YEATS2: variants seen among roughly 807,000 people sequenced by gnomAD.
The protein encoded by YEATS2 is YEATS domain containing 2, also known as YEATS domain-containing protein 2.
YEATS2 carries 77 observed loss-of-function variants against 163.2 expected under a neutral mutation model. That is an observed-to-expected ratio of 0.47 (90% CI 0.39 to 0.57). YEATS2 has a LOEUF of 0.57. Ranked by LOEUF, YEATS2 falls within the 20% of genes least tolerant of loss-of-function variation. YEATS2 has a pLI of 0.00. For synonymous variants in YEATS2, 631 were observed against 645.1 expected, an observed-to-expected ratio of 0.98 and a Z score of 0.33; for missense variants, 1,549 against 1,729.8, an observed-to-expected ratio of 0.90 and a Z score of 1.85.
intron 8 of YEATS2, among the ~76,000 whole-genome samples, chr3:183,738,337 T>C (rs902322757): frequency 4.7e-5 from 7 of 148,128 alleles, no homozygotes; most frequent in African/African-American, 1.7e-4. Context: ...CAAGATAGGC[T>C]AAAAGCGAGG....
At chr3:183,775,629 C>A (rs185186375) in intron 17 of YEATS2, among the ~76,000 whole-genome samples, 3 of 152,246 alleles carry the variant, frequency 2.0e-5, no homozygotes, top group Admixed American at 2.0e-4. Flanking sequence ...CAGTAGCAAG[C>A]CTTCTCTTGA....
intron 30 of YEATS2, 63 bp downstream of exon 30, chr3:183,809,233 C>A: frequency 1.3e-6 from 2 of 1,542,172 alleles, no homozygotes; most frequent in South Asian, 1.1e-5. Context: ...GTTGAATTGC[C>A]CATGAAGGTG....
intron 8 of YEATS2, among the ~76,000 whole-genome samples, chr3:183,742,833 GTTGTC>G (rs558116604): frequency 5.9e-5 from 9 of 152,294 alleles, no homozygotes; most frequent in African/African-American, 1.9e-4. Context: ...AGAATTCATT[GTTGTC>G]TTGTTTTAAG....
At chr3:183,805,719 G>A (rs1395731045) in intron 27 of YEATS2, among the ~76,000 whole-genome samples, 1 of 151,966 alleles carries the variant, frequency 6.6e-6, no homozygotes, top group African/African-American at 2.4e-5. Flanking sequence ...AGCCCAAGAA[G>A]TTGAGGCTGC....
At chr3:183,778,029 T>C (rs1047860530) in intron 19 of YEATS2, among the ~76,000 whole-genome samples, 26 of 150,678 alleles carry the variant, frequency 1.7e-4, no homozygotes, top group African/African-American at 6.3e-4. Context: ...GGAGAATCGC[T>C]TGGACCCGGG....
intron 15 of YEATS2, among the ~76,000 whole-genome samples, chr3:183,766,033 A>C (rs1426664273): frequency 6.6e-6 from 1 of 152,214 alleles, no homozygotes; most frequent in Non-Finnish European, 1.5e-5. Context: ...GGACAACAGA[A>C]ACACAGCTGA....
chr3:183,786,517 A>G (rs1266679354), intron 20 of YEATS2, among the ~76,000 whole-genome samples: 1 of 152,126 alleles, frequency 6.6e-6, no homozygotes, highest in Non-Finnish European at 1.5e-5. Context: ...TGTGATTACC[A>G]TCATCTAATC....
At chr3:183,700,248 A>G (rs1713917749) in intron 1 of YEATS2, among the ~76,000 whole-genome samples, 1 of 152,006 alleles carries the variant, frequency 6.6e-6, no homozygotes, top group African/African-American at 2.4e-5. Context: ...TGGATGCATG[A>G]TATTTTACTG....
At chr3:183,736,635 A>AT in intron 7 of YEATS2, 83 bp from the exon 8 acceptor site, 1 of 910,100 alleles carries the variant, frequency 1.1e-6, no homozygotes, top group Non-Finnish European at 1.6e-6. Flanking sequence ...TGAATTTCTG[A>AT]TTTATGCATT....
At chr3:183,807,153 G>GT in intron 28 of YEATS2, 61 bp downstream of exon 28, 12 of 1,484,602 alleles carry the variant, frequency 8.1e-6, no homozygotes, top group Non-Finnish European at 1.0e-5. Context: ...ATGTTCAGAC[G>GT]TTCAGCTTCA....
intron 6 of YEATS2, among the ~76,000 whole-genome samples, chr3:183,726,532 T>C (rs1297752995): frequency 6.6e-6 from 1 of 152,164 alleles, no homozygotes; most frequent in Non-Finnish European, 1.5e-5. Flanking sequence ...AAATGTTAAG[T>C]AAATATTTGG....
chr3:183,787,343 G>C (rs1333486623), intron 20 of YEATS2, among the ~76,000 whole-genome samples: 1 of 152,024 alleles, frequency 6.6e-6, no homozygotes, highest in African/African-American at 2.4e-5. Flanking sequence ...ATATACAAGG[G>C]TTCCAGTTTT....
At chr3:183,763,481 T>C (rs1721588379) in intron 15 of YEATS2, among the ~76,000 whole-genome samples, 1 of 152,240 alleles carries the variant, frequency 6.6e-6, no homozygotes, top group Admixed American at 6.5e-5. Flanking sequence ...TGAGTGCTTT[T>C]GTGTATGCCA....
intron 27 of YEATS2, among the ~76,000 whole-genome samples, chr3:183,804,629 A>C (rs1310404768): frequency 6.6e-6 from 1 of 152,198 alleles, no homozygotes; most frequent in Non-Finnish European, 1.5e-5. Context: ...GACGCCACCC[A>C]GTGCGGGAGG....
chr3:183,731,363 TTTC>T (rs1168847164), intron 7 of YEATS2, among the ~76,000 whole-genome samples: 2 of 151,996 alleles, frequency 1.3e-5, no homozygotes, highest in African/African-American at 2.4e-5. Flanking sequence ...ACAGTATGTT[TTTC>T]TTCTTGTGTA....
chr3:183,761,975 C>G (rs1721401205), intron 14 of YEATS2, 122 bp from the exon 15 acceptor site: 1 of 1,323,678 alleles, frequency 7.6e-7, no homozygotes, highest in Non-Finnish European at 1.1e-6. Context: ...TGGAGTCATT[C>G]TTTACGTATC....
chr3:183,808,073 A>T lies in YEATS2; in HGVS notation c.4055A>T (p.Tyr1352Phe). 6.4e-7 allele frequency: 1 copy of T among 1,560,088 alleles called. No homozygotes were observed. The highest frequency in any genetic ancestry group is 8.7e-7 in the Non-Finnish European group (1 of 1,151,414). Reference sequence around the variant, plus strand: ...CCCGTGGCACTCCACAGGAACGTGTATGCGTCCGTGGTGGAGGACATGATC... The same window carrying T: ...CCCGTGGCACTCCACAGGAACGTGTTTGCGTCCGTGGTGGAGGACATGATC... ...LQPVALHRNV[Y>F]ASVVEDMILK... Residue 1352 changes from tyrosine (Y) to phenylalanine (F), a missense_variant, in exon 29 of 31, where the codon TAT becomes TTT. Coordinates refer to ENST00000305135, the MANE Select transcript of YEATS2 (RefSeq NM_018023.5).
At chr3:183,724,382 C>A in intron 5 of YEATS2, 37 bp from the exon 6 acceptor site, 2 of 1,490,664 alleles carry the variant, frequency 1.3e-6, no homozygotes, top group South Asian at 1.2e-5. Context: ...GAAAGTTGTT[C>A]AAAATGAGAA....
At chr3:183,702,833 C>CAAAA (rs202062121) in intron 1 of YEATS2, among the ~76,000 whole-genome samples, 1 of 140,346 alleles carries the variant, frequency 7.1e-6, no homozygotes, top group Non-Finnish European at 1.6e-5. Flanking sequence ...CTCTCTCTCT[C>CAAAA]AAAAAAAAAA....
Sources: gnomAD v4.1 joint callset for allele counts (sites outside exome capture counted in the v4.1 genomes callset) on GRCh38, gnomAD v4.1.1 for gene constraint, MANE v1.5 for transcripts, NCBI Gene and HGNC (gene_info 2026-07-23, HGNC 2026-07-21) for gene names.